Variants in NUDT9 observed in about 807,000 individuals in gnomAD.
NUDT9 encodes the protein ADP-ribose pyrophosphatase.
A neutral mutation model predicts 41.0 loss-of-function variants in NUDT9; 31 were observed. That is an observed-to-expected ratio of 0.76 (90% CI 0.57 to 1.02). The LOEUF is 1.02. Ranked by LOEUF, NUDT9 falls within the 50% of genes least tolerant of loss-of-function variation. The probability of loss-of-function intolerance (pLI) is 0.00; values close to 1 mark genes in which losing one functional copy is unlikely to be tolerated. For synonymous variants in NUDT9, 146 were observed against 147.6 expected (o/e 0.99, Z 0.08); for missense variants, 380 against 431.4 (o/e 0.88, Z 1.06).
intron 5 of NUDT9, 130 bp from the exon 6 acceptor site, chr4:87,451,459 T>C (rs1333224749): frequency 1.5e-6 from 1 of 676,994 alleles, no homozygotes; most frequent in Non-Finnish European, 2.4e-6. Context: ...GAGAACAGTG[T>C]ATCACAGAGA....
At chr4:87,442,257 T>C (rs562642674) in intron 4 of NUDT9, among the ~76,000 whole-genome samples, 21 of 152,360 alleles carry the variant, frequency 1.4e-4, no homozygotes, top group African/African-American at 5.1e-4. Flanking sequence ...TACTGAATAC[T>C]ATAGGCAACT....
chr4:87,428,809 C>T (rs1433133772), intron 1 of NUDT9, among the ~76,000 whole-genome samples: 2 of 152,132 alleles, frequency 1.3e-5, no homozygotes, highest in Admixed American at 6.6e-5. Flanking sequence ...TACCTCCTAC[C>T]TCCACCCATG....
intron 6 of NUDT9, among the ~76,000 whole-genome samples, 156 bp downstream of exon 6, chr4:87,451,891 A>C (rs1272791509): frequency 6.6e-6 from 1 of 152,230 alleles, no homozygotes; most frequent in Non-Finnish European, 1.5e-5. Flanking sequence ...TCTTCACTGT[A>C]AATAGGTTTC....
intron 4 of NUDT9, among the ~76,000 whole-genome samples, chr4:87,443,842 G>C (rs1722327011): frequency 6.6e-6 from 1 of 152,208 alleles, no homozygotes; most frequent in African/African-American, 2.4e-5. Flanking sequence ...TTTTTGTGCA[G>C]TTTTATTGTG....
intron 1 of NUDT9, among the ~76,000 whole-genome samples, chr4:87,430,690 A>T (rs1007356883): frequency 6.6e-6 from 1 of 152,086 alleles, no homozygotes; most frequent in Non-Finnish European, 1.5e-5. Flanking sequence ...AATTAGTGGT[A>T]TTGAGCATCT....
chr4:87,440,998 C>A (rs1420492665), intron 3 of NUDT9, among the ~76,000 whole-genome samples: 1 of 151,648 alleles, frequency 6.6e-6, no homozygotes, highest in African/African-American at 2.4e-5. Context: ...GAGTCTAGTA[C>A]AAAAACAATA....
chr4:87,429,123 A>G (rs1315011246), intron 1 of NUDT9, among the ~76,000 whole-genome samples: 1 of 152,138 alleles, frequency 6.6e-6, no homozygotes. Flanking sequence ...CAGTTCTTGT[A>G]AGTCAGGTTA....
At chr4:87,452,893 C>T (rs1578080614) in intron 6 of NUDT9, among the ~76,000 whole-genome samples, 2 of 143,118 alleles carry the variant, frequency 1.4e-5, no homozygotes, top group East Asian at 2.2e-4. Context: ...CTCACTGCAA[C>T]CTCTGCCTCC....
intron 3 of NUDT9, among the ~76,000 whole-genome samples, chr4:87,441,063 T>G (rs757545977): frequency 5.5e-4 from 84 of 152,198 alleles, no homozygotes; most frequent in Non-Finnish European, 9.0e-4. Context: ...TAAAAAGAGA[T>G]GGCAAAAAGG....
chr4:87,435,766 A>G (rs2110168890), intron 2 of NUDT9, among the ~76,000 whole-genome samples: 1 of 152,298 alleles, frequency 6.6e-6, no homozygotes, highest in African/African-American at 2.4e-5. Context: ...ATTGATTAAC[A>G]TTTTATGTTT....
At chr4:87,451,237 T>C (rs902301168) in intron 5 of NUDT9, among the ~76,000 whole-genome samples, 11 of 152,282 alleles carry the variant, frequency 7.2e-5, no homozygotes, top group Non-Finnish European at 1.5e-4. Context: ...CCTGGGAACA[T>C]TGAGGAGGTC....
In NUDT9 at chr4:87,456,862, C is replaced by T. The variant is rs529649666; in HGVS notation, c.875-981C>T. Among the ~76,000 whole-genome samples, 327 of 152,210 alleles carry T rather than the reference C, an allele frequency of 2.1e-3. 1 individual carries two copies. Among genetic ancestry groups the T allele is most frequent in the Non-Finnish European group, 3.7e-3 (250 of 68,002 alleles). ...AGGAGAATCGCTTGTACTCAGGACG[C>T]GGAGGTTGCAGTGAGCCGTGATTGT... On this transcript the variant is annotated intron_variant, in intron 7 of 7. Transcript: ENST00000302174.
chr4:87,451,845 T>A (rs914577813), intron 6 of NUDT9, 110 bp downstream of exon 6: 6 of 871,400 alleles, frequency 6.9e-6, no homozygotes, highest in Non-Finnish European at 1.0e-5. Context: ...GGAATACTTG[T>A]ATATTTAAAA....
Position 87,436,604 on chromosome 4 carries a change from C to T in NUDT9, c.347+1384C>T, listed in dbSNP as rs1013909197. ...GGGATTACAGGCATGAGCCGGCACG[C>T]CTGGTGATTTTTTTAAAAGGGTGAA... On this transcript the variant is annotated intron_variant, in intron 2 of 7. Transcript: ENST00000302174. 2.6e-5 allele frequency among the ~76,000 whole-genome samples: 4 copies of T among 152,232 alleles called. No homozygotes were observed. The South Asian group carries it at 8.3e-4, about 32-fold the overall frequency.
At chr4:87,445,815 T>C (rs1238353313) in intron 4 of NUDT9, among the ~76,000 whole-genome samples, 1 of 152,188 alleles carries the variant, frequency 6.6e-6, no homozygotes, top group East Asian at 1.9e-4. Context: ...ATAAATAATA[T>C]AGCAAGAAGC....
chr4:87,438,458 G>T, intron 3 of NUDT9, 86 bp downstream of exon 3: 1 of 702,410 alleles, frequency 1.4e-6, no homozygotes, highest in Non-Finnish European at 2.5e-6. Flanking sequence ...CCTTGTATGT[G>T]CCAGATGTTG....
At position 87,457,868 on chromosome 4, in the gene NUDT9, A is replaced by G. The variant is rs1383192860; in HGVS notation, c.900A>G (p.Leu300=). ...ETGEIMDNLM[L]EAGDDAGKVK... ...GTGAGATAATGGATAATCTTATGCT[A>G]GAAGCTGGAGATGATGCTGGAAAAG... The change falls in exon 8 of 8, where the codon CTA becomes CTG. Residue 300 remains leucine (L), a synonymous_variant. Transcript: ENST00000302174. 1 of 1,611,402 alleles carries G rather than the reference A, an allele frequency of 6.2e-7. No homozygotes were observed. The highest frequency in any genetic ancestry group is 1.1e-5 in the South Asian group (1 of 90,710).
intron 6 of NUDT9, among the ~76,000 whole-genome samples, chr4:87,452,750 G>A (rs953268570): frequency 2.0e-5 from 3 of 150,370 alleles, no homozygotes; most frequent in Non-Finnish European, 3.0e-5. Flanking sequence ...CTGGCATTCC[G>A]TGCTTTTAAA....
rs964120765 is a variant in NUDT9 at position 87,445,933 on chromosome 4, CT to C, written c.531-3194del. On this transcript the variant is annotated intron_variant, in intron 4 of 7. Coordinates refer to ENST00000302174, the MANE Select transcript of NUDT9 (RefSeq NM_024047.5). Reference sequence around the variant, plus strand: ...GCCTTCTCCCCAGTAGCATCTCTCTCTTTTTTTTTTTTTTTGAGATGGGTCT... The same window carrying C: ...GCCTTCTCCCCAGTAGCATCTCTCTCTTTTTTTTTTTTTTGAGATGGGTCT... 2.1e-3 allele frequency among the ~76,000 whole-genome samples: 306 copies of C among 142,798 alleles called. 1 individual carries two copies. Among genetic ancestry groups the C allele is most frequent in the Admixed American group, 2.1e-3 (30 of 14,154 alleles). 93.7% of individuals were successfully genotyped at this position (142,798 alleles called of 152,430 possible).
Sources: allele counts gnomAD v4.1 joint callset (sites outside exome capture counted in the v4.1 genomes callset), GRCh38; gene constraint gnomAD v4.1.1; transcripts MANE v1.5; gene names NCBI Gene and HGNC (gene_info 2026-07-23, HGNC 2026-07-21).